MAST4: variants seen among roughly 807,000 people sequenced by gnomAD.
The protein encoded by MAST4 is microtubule-associated serine/threonine-protein kinase 4.
In MAST4, 89 loss-of-function variants were observed where a neutral mutation model predicts 162.7. That is an observed-to-expected ratio of 0.55 (90% CI 0.46 to 0.65). The LOEUF (loss-of-function observed/expected upper bound fraction) is 0.65, where lower values mean the gene tolerates loss of function less well. Ranked by LOEUF, MAST4 falls within the 30% of genes least tolerant of loss-of-function variation. The pLI is 0.00. For synonymous variants in MAST4, 1,479 were observed against 1,361.1 expected, an observed-to-expected ratio of 1.09 and a Z score of -1.91; for missense variants, 3,153 against 3,374.0, an observed-to-expected ratio of 0.93 and a Z score of 1.62.
chr5:66,665,983 C>G (rs1035615269), intron 1 of MAST4, among the ~76,000 whole-genome samples: 1 of 152,092 alleles, frequency 6.6e-6, no homozygotes, highest in Non-Finnish European at 1.5e-5. Context: ...ACGTTAGAGC[C>G]CCGTTGGGGC....
chr5:67,153,439 C>G lies in MAST4; in HGVS notation c.3526-19C>G. The G allele has an allele frequency of 6.3e-7, 1 of 1,596,626 alleles. No homozygotes were observed. The highest frequency in any genetic ancestry group is 8.5e-7 in the Non-Finnish European group (1 of 1,171,740). ...AGTCATTTGTTTGCCTACAAATATCCTCTCCTCTTGGACTTTAGAATGTAG... is the reference window on the plus strand; with the variant it reads ...AGTCATTTGTTTGCCTACAAATATCGTCTCCTCTTGGACTTTAGAATGTAG... On this transcript the variant is annotated intron_variant, in intron 25 of 28. Transcript: ENST00000403625.
chr5:67,117,733 T>C (rs1400822750), intron 12 of MAST4, among the ~76,000 whole-genome samples: 2 of 152,082 alleles, frequency 1.3e-5, no homozygotes, highest in African/African-American at 2.4e-5. Context: ...AATTATTTCA[T>C]GTTTTTTAAA....
Position 67,165,606 on chromosome 5 carries a change from C to A in MAST4, c.6427C>A (p.Leu2143Met). The A allele has an allele frequency of 6.2e-7, 1 of 1,613,686 alleles. No homozygotes were observed. Among genetic ancestry groups the A allele is most frequent in the East Asian group, 2.2e-5 (1 of 44,878 alleles). Residue 2143 changes from leucine (L) to methionine (M), a missense_variant, in exon 29 of 29, where the codon CTG becomes ATG. Around this residue, in one of 7 missense-constraint regions of MAST4, gnomAD observed 1,644 missense variants for 1,495.0 expected, o/e 1.10. Coordinates refer to ENST00000403625, the MANE Select transcript of MAST4 (RefSeq NM_001164664.2). ...IPPPPLTAKD[L>M]SSPAARQHCS... ...TCCGCCCCCTCTGACGGCCAAAGAC[C>A]TGTCCAGCCCGGCTGCCAGGCAGCA...
At chr5:66,858,469 T>A (rs896027322) in intron 3 of MAST4, among the ~76,000 whole-genome samples, 1 of 152,162 alleles carries the variant, frequency 6.6e-6, no homozygotes, top group Non-Finnish European at 1.5e-5. Flanking sequence ...TTTCACCACC[T>A]CCAGTTTATA....
At chr5:66,783,447 CAGTCTGACATTAA>C (rs1196841223) in intron 2 of MAST4, 1 of 152,214 alleles carries the variant, frequency 6.6e-6, no homozygotes, top group Non-Finnish European at 1.5e-5. Flanking sequence ...AGGAACTCAG[CAGTCTGACATTAA>C]AGTCAACCAC....
rs367706333 is a variant in MAST4, at chr5:66,702,483, G to C, written c.364-57226G>C. Among the ~76,000 whole-genome samples, 249 of 152,254 alleles carry C rather than the reference G, an allele frequency of 1.6e-3. 1 individual carries two copies. Among genetic ancestry groups the C allele is most frequent in the African/African-American group, 5.6e-3 (233 of 41,544 alleles). Reference sequence around the variant, plus strand: ...GGTAGGAGGGCCATGGACGGATGCTGTGTGTGTATGTGGGGAGTGATATTT... The same window carrying C: ...GGTAGGAGGGCCATGGACGGATGCTCTGTGTGTATGTGGGGAGTGATATTT... On this transcript the variant is annotated intron_variant, in intron 1 of 28. Coordinates refer to ENST00000403625, the MANE Select transcript of MAST4 (RefSeq NM_001164664.2).
intron 4 of MAST4, among the ~76,000 whole-genome samples, chr5:66,970,391 A>T (rs904503716): frequency 6.6e-6 from 1 of 152,198 alleles, no homozygotes; most frequent in Non-Finnish European, 1.5e-5. Flanking sequence ...TAGTATTTTT[A>T]AAATGGGTAT....
At chr5:67,136,427 G>A (rs1287730145) in intron 18 of MAST4, 136 bp from the exon 19 acceptor site, 1 of 604,376 alleles carries the variant, frequency 1.7e-6, no homozygotes, top group East Asian at 2.9e-5. Context: ...TTGTTGAAAG[G>A]CAGACTCTGA....
At chr5:66,851,802 C>T (rs968622705) in intron 3 of MAST4, among the ~76,000 whole-genome samples, 1 of 152,168 alleles carries the variant, frequency 6.6e-6, no homozygotes, top group East Asian at 1.9e-4. Flanking sequence ...TTTTTGGGAA[C>T]ATTTTTGTCT....
chr5:67,060,815 G>C (rs961550126), intron 5 of MAST4, among the ~76,000 whole-genome samples: 1 of 152,060 alleles, frequency 6.6e-6, no homozygotes, highest in East Asian at 1.9e-4. Flanking sequence ...TACTGCCCCA[G>C]GACTTTAACC....
intron 3 of MAST4, among the ~76,000 whole-genome samples, chr5:66,821,094 A>AT (rs34723255): frequency 6.6e-6 from 1 of 152,186 alleles, no homozygotes; most frequent in Non-Finnish European, 1.5e-5. Flanking sequence ...CCCACCTGCA[A>AT]TTTTTGCTAA....
At chr5:67,086,909 T>C (rs1763305834) in intron 5 of MAST4, among the ~76,000 whole-genome samples, 1 of 152,234 alleles carries the variant, frequency 6.6e-6, no homozygotes, top group African/African-American at 2.4e-5. Flanking sequence ...CTTTATAATT[T>C]GGCCTGTTCT....
intron 20 of MAST4, 62 bp downstream of exon 20, chr5:67,142,299 C>T (rs1232371046): frequency 6.3e-7 from 1 of 1,579,726 alleles, no homozygotes; most frequent in East Asian, 2.2e-5. Flanking sequence ...ATTATCTTTG[C>T]TTTTGAACCT....
At chr5:67,060,215 G>A (rs527677510) in intron 5 of MAST4, among the ~76,000 whole-genome samples, 5 of 152,176 alleles carry the variant, frequency 3.3e-5, no homozygotes, top group African/African-American at 1.2e-4. Context: ...TGCTCACCTT[G>A]CGCTTCAGCT....
chr5:66,740,172 A>T (rs1015167521), intron 1 of MAST4, among the ~76,000 whole-genome samples: 1 of 152,214 alleles, frequency 6.6e-6, no homozygotes, highest in East Asian at 1.9e-4. Context: ...TCGAAAGGCC[A>T]TCTCATCACA....
At chr5:66,675,265 T>G (rs1437367109) in intron 1 of MAST4, among the ~76,000 whole-genome samples, 1 of 152,164 alleles carries the variant, frequency 6.6e-6, no homozygotes, top group Non-Finnish European at 1.5e-5. Flanking sequence ...TCATCCCCAC[T>G]AGGTCTCTCT....
At chr5:66,653,783 CATTT>C (rs1349040528) in intron 1 of MAST4, among the ~76,000 whole-genome samples, 3 of 152,206 alleles carry the variant, frequency 2.0e-5, no homozygotes, top group African/African-American at 4.8e-5. Context: ...TACAGTCATT[CATTT>C]GTCTCTTTCT....
intron 4 of MAST4, among the ~76,000 whole-genome samples, chr5:66,923,109 G>A (rs114006958): frequency 1.3e-5 from 2 of 152,184 alleles, no homozygotes; most frequent in Admixed American, 6.5e-5. Flanking sequence ...AAATCTGAGC[G>A]ATCTATTTCA....
intron 4 of MAST4, among the ~76,000 whole-genome samples, chr5:66,987,356 AGT>A (rs1749634902): frequency 6.6e-6 from 1 of 152,148 alleles, no homozygotes; most frequent in Non-Finnish European, 1.5e-5. Context: ...GAAAATCAGA[AGT>A]TTTCAGATGA....
Sources: allele counts gnomAD v4.1 joint callset (sites outside exome capture counted in the v4.1 genomes callset), GRCh38; gene constraint gnomAD v4.1.1; regional missense constraint gnomAD v4.1.1; transcripts MANE v1.5; gene names NCBI Gene and HGNC (gene_info 2026-07-23, HGNC 2026-07-21).